The following IL1RAPL2 variants were observed in gnomAD, a reference collection of about 807,000 sequenced individuals.
The protein encoded by IL1RAPL2 is interleukin 1 receptor accessory protein like 2, also known as X-linked interleukin-1 receptor accessory protein-like 2.
A neutral mutation model predicts 44.1 loss-of-function variants in IL1RAPL2; 3 were observed. The ratio of observed to expected loss-of-function variants is 0.07; its 90% CI spans 0.03 to 0.18. The LOEUF is 0.18. Among genes scored for constraint, IL1RAPL2 ranks in the 10% least tolerant of loss-of-function variants. The pLI, the probability that IL1RAPL2 is intolerant of heterozygous loss-of-function variation, is 1.00. For synonymous variants in IL1RAPL2, 181 were observed against 178.8 expected (o/e 1.01, Z -0.10); for missense variants, 391 against 496.4 (o/e 0.79, Z 2.02).
chrX:105,149,693 T>G (rs1466322778), intron 2 of IL1RAPL2, among the ~76,000 whole-genome samples: 4 of 109,425 alleles, frequency 3.7e-5, no homozygotes, highest in Non-Finnish European at 7.6e-5. Flanking sequence ...ATTAGCAGGG[T>G]GTGTTAACAG....
intron 5 of IL1RAPL2, among the ~76,000 whole-genome samples, chrX:105,403,843 G>T (rs1289990078): frequency 9.0e-6 from 1 of 111,096 alleles, no homozygotes; most frequent in Non-Finnish European, 1.9e-5. Flanking sequence ...ACCTCCAAAC[G>T]GCCATTAAAT....
At chrX:105,541,639 C>A in intron 6 of IL1RAPL2, among the ~76,000 whole-genome samples, 1 of 110,943 alleles carries the variant, frequency 9.0e-6, no homozygotes, top group Non-Finnish European at 1.9e-5. Context: ...TGAAATTTCT[C>A]TTGGGTCTGC....
At chrX:104,964,632 A>G (rs1348618363) in intron 2 of IL1RAPL2, among the ~76,000 whole-genome samples, 2 of 110,423 alleles carry the variant, frequency 1.8e-5, no homozygotes, top group African/African-American at 3.3e-5. Context: ...TATGTACCCA[A>G]GAAAAATAAG....
chrX:104,982,374 G>T (rs1401543003), intron 2 of IL1RAPL2, among the ~76,000 whole-genome samples: 1 of 110,640 alleles, frequency 9.0e-6, no homozygotes, highest in Non-Finnish European at 1.9e-5. Flanking sequence ...TATTTTTAAG[G>T]CACCCATACC....
intron 10 of IL1RAPL2, among the ~76,000 whole-genome samples, chrX:105,758,855 T>G (rs2038662409): frequency 8.9e-6 from 1 of 112,344 alleles, no homozygotes; most frequent in Non-Finnish European, 1.9e-5. Context: ...GAAAGCCAGA[T>G]AGAAAACACC....
chrX:104,796,525 A>G (rs1240223646), intron 2 of IL1RAPL2, among the ~76,000 whole-genome samples: 1 of 112,264 alleles, frequency 8.9e-6, no homozygotes, highest in African/African-American at 3.2e-5. Context: ...GGGTAAAGAA[A>G]GTTCCTGCAC....
At chrX:104,589,726 T>C (rs1042558038) in intron 1 of IL1RAPL2, among the ~76,000 whole-genome samples, 3 of 111,872 alleles carry the variant, frequency 2.7e-5, no homozygotes, top group Non-Finnish European at 5.6e-5. Flanking sequence ...TAGTAGCCGA[T>C]GTTATGTGTA....
intron 5 of IL1RAPL2, among the ~76,000 whole-genome samples, chrX:105,328,473 T>C (rs1324347322): frequency 9.0e-6 from 1 of 111,707 alleles, no homozygotes; most frequent in Non-Finnish European, 1.9e-5. Context: ...TTTACCAACT[T>C]GAAATTAAGA....
At chrX:105,734,785 C>T (rs900974295) in intron 7 of IL1RAPL2, among the ~76,000 whole-genome samples, 2 of 111,433 alleles carry the variant, frequency 1.8e-5, no homozygotes, top group African/African-American at 3.3e-5. Context: ...ATAAGGGAAC[C>T]TTTTTCCAAT....
At chrX:105,249,683 C>T (rs1048275791) in intron 4 of IL1RAPL2, among the ~76,000 whole-genome samples, 1 of 110,868 alleles carries the variant, frequency 9.0e-6, no homozygotes, top group Non-Finnish European at 1.9e-5. Flanking sequence ...AAGCTAAAAT[C>T]GAAAACACAG....
At chrX:105,389,183 A>G (rs893495618) in intron 5 of IL1RAPL2, among the ~76,000 whole-genome samples, 3 of 111,826 alleles carry the variant, frequency 2.7e-5, no homozygotes, top group Non-Finnish European at 3.8e-5. Flanking sequence ...AATGATTTCT[A>G]TAGTTTCTTT....
chrX:104,723,427 G>A (rs1402776126), intron 2 of IL1RAPL2, among the ~76,000 whole-genome samples: 1 of 110,285 alleles, frequency 9.1e-6, no homozygotes, highest in Non-Finnish European at 1.9e-5. Context: ...ATTCCAACTT[G>A]CCAGAAAAAA....
At chrX:105,410,619 A>G (rs774052978) in intron 5 of IL1RAPL2, among the ~76,000 whole-genome samples, 3 of 111,148 alleles carry the variant, frequency 2.7e-5, no homozygotes, top group Non-Finnish European at 3.8e-5. Context: ...AGAGATACTC[A>G]AAGTACTTAA....
At chrX:104,630,763 T>C (rs753096572) in intron 1 of IL1RAPL2, among the ~76,000 whole-genome samples, 3 of 111,726 alleles carry the variant, frequency 2.7e-5, no homozygotes, top group Non-Finnish European at 5.6e-5. Context: ...ATTTTAACAA[T>C]GTTAATTATT....
At chrX:105,018,575 G>A (rs1201076536) in intron 2 of IL1RAPL2, among the ~76,000 whole-genome samples, 2 of 111,266 alleles carry the variant, frequency 1.8e-5, no homozygotes, top group African/African-American at 3.3e-5. Context: ...ATAATCACAC[G>A]AATCACCTAG....
chrX:105,113,380 TG>T (rs1456952911), intron 2 of IL1RAPL2, among the ~76,000 whole-genome samples: 1 of 112,466 alleles, frequency 8.9e-6, no homozygotes, highest in African/African-American at 3.2e-5. Flanking sequence ...TATGAGATCT[TG>T]GGTGTCCTTC....
intron 2 of IL1RAPL2, among the ~76,000 whole-genome samples, chrX:104,915,359 GTCT>G (rs1924387538): frequency 9.0e-6 from 1 of 110,742 alleles, no homozygotes; most frequent in Admixed American, 9.6e-5. Flanking sequence ...CTGCATAAAT[GTCT>G]TCTTTTGAGA....
intron 2 of IL1RAPL2, among the ~76,000 whole-genome samples, chrX:104,938,745 G>A (rs903018964): frequency 1.8e-5 from 2 of 110,384 alleles, no homozygotes; most frequent in Admixed American, 9.7e-5. Context: ...TGGCCGTGGC[G>A]TTTAATTGGA....
At chrX:105,401,220 C>G (rs969782174) in intron 5 of IL1RAPL2, among the ~76,000 whole-genome samples, 1 of 111,202 alleles carries the variant, frequency 9.0e-6, no homozygotes, top group South Asian at 3.8e-4. Context: ...AGGGGCTGAA[C>G]ATTCAAAATA....
Sources: gnomAD v4.1 joint callset for allele counts (sites outside exome capture counted in the v4.1 genomes callset) on GRCh38, gnomAD v4.1.1 for gene constraint, MANE v1.5 for transcripts, NCBI Gene and HGNC (gene_info 2026-07-23, HGNC 2026-07-21) for gene names.